The following MOSMO variants were observed in gnomAD, a reference collection of about 807,000 sequenced individuals.
MOSMO encodes modulator of smoothened, also known as modulator of smoothened protein.
MOSMO carries 5 observed loss-of-function variants against 18.4 expected under a neutral mutation model. The ratio of observed to expected loss-of-function variants is 0.27; its 90% confidence interval spans 0.14 to 0.57. The LOEUF is 0.57. Ranked by LOEUF, MOSMO falls within the 20% of genes least tolerant of loss-of-function variation. The pLI is 0.92. For synonymous variants in MOSMO, 82 were observed against 82.3 expected, an observed-to-expected ratio of 1.00 and a Z score of 0.02; for missense variants, 138 against 211.8, an observed-to-expected ratio of 0.65 and a Z score of 2.16.
intron 1 of MOSMO, 103 bp from the exon 2 acceptor site, chr16:22,075,384 C>T (rs767051114): frequency 1.1e-4 from 92 of 805,194 alleles, no homozygotes; most frequent in Non-Finnish European, 1.6e-4. Context: ...GAATGACCCA[C>T]GAAGAGATAA....
In MOSMO at chr16:22,008,325, AG is replaced by A. The variant is rs201044196; in HGVS notation, c.26del (p.Gly9AspfsTer71). 120,180 of 1,500,146 alleles carry A rather than the reference AG, an allele frequency of 0.08. 7 individuals are homozygous for A. Among genetic ancestry groups the A allele is most frequent in the East Asian group, 0.17 (6,565 of 38,584 alleles). The allele number at this position is 1,500,146 out of a possible 1,614,324, so 92.9% of individuals were successfully genotyped here. A position where few individuals can be genotyped will look rare whatever the true frequency, so the allele number is the denominator to read the frequency against. On this transcript the variant is annotated frameshift_variant, in exon 1 of 3. Coordinates refer to ENST00000542527, the MANE Select transcript of MOSMO (RefSeq NM_001164579.2). LOFTEE classifies it high-confidence loss of function. MDKLTIIS[G>X]CLFLAADIFA... ...AGATGGATAAACTGACCATCATCTC[AG>A]GATGTCTCTTTCTGGCCGCCGATAT...
rs1255583642 is a variant in MOSMO at position 22,082,123 on chromosome 16, C to G, written c.*1243C>G. The G allele has an allele frequency of 2.6e-5, 4 of 152,106 alleles. No individual in the cohort carries two copies. The highest frequency in any genetic ancestry group is 2.6e-4 in the Admixed American group (4 of 15,274). The allele number at this position is 152,106 out of a possible 1,614,324, so 9.4% of individuals were successfully genotyped here. A position where few individuals can be genotyped will look rare whatever the true frequency, so the allele number is the denominator to read the frequency against. On this transcript the variant is annotated 3_prime_UTR_variant, in exon 3 of 3. Coordinates refer to ENST00000542527, the MANE Select transcript of MOSMO (RefSeq NM_001164579.2). ...GCTAGTAAATATCTGGCTATTTTGG[C>G]TATTTACAACACTAATTTCATTATT...
chr16:22,070,939 T>G (rs1256127684), intron 1 of MOSMO, among the ~76,000 whole-genome samples: 1 of 152,122 alleles, frequency 6.6e-6, no homozygotes, highest in Non-Finnish European at 1.5e-5. Context: ...TGCAATCCAA[T>G]TCTAAATTTC....
At position 22,084,014 on chromosome 16, in the gene MOSMO, T is replaced by C. The variant is rs1157585673; in HGVS notation, c.*3134T>C. On this transcript the variant is annotated 3_prime_UTR_variant, in exon 3 of 3. Transcript: ENST00000542527. ...ATGTTCTAGATGACCAAAACACTATTGGTTTTTACCCTTTTGCCTAAAGCT... is the reference window on the plus strand; with the variant it reads ...ATGTTCTAGATGACCAAAACACTATCGGTTTTTACCCTTTTGCCTAAAGCT... The C allele has an allele frequency of 1.2e-5, 3 of 246,812 alleles. No homozygotes were observed. Among genetic ancestry groups the C allele is most frequent in the African/African-American group, 7.0e-5 (3 of 42,658 alleles). 15.3% of individuals were successfully genotyped at this position (246,812 alleles called of 1,614,324 possible).
chr16:22,090,325 G>A (rs1225018387), downstream of MOSMO: 1 of 152,124 alleles, frequency 6.6e-6, no homozygotes, highest in African/African-American at 2.4e-5. Flanking sequence ...AACTATCTCT[G>A]GATTCTTGTG....
intron 1 of MOSMO, among the ~76,000 whole-genome samples, chr16:22,050,358 A>G (rs1196251585): frequency 6.6e-6 from 1 of 152,224 alleles, no homozygotes; most frequent in East Asian, 1.9e-4. Flanking sequence ...GATCATTTCT[A>G]TGAATAGAAG....
chr16:22,043,972 T>C (rs1299578847), intron 1 of MOSMO, among the ~76,000 whole-genome samples: 1 of 152,070 alleles, frequency 6.6e-6, no homozygotes, highest in Non-Finnish European at 1.5e-5. Flanking sequence ...GTGAAAGGCC[T>C]GTCTTACATG....
intron 2 of MOSMO, among the ~76,000 whole-genome samples, chr16:22,078,122 C>G (rs937286793): frequency 6.6e-6 from 1 of 151,684 alleles, no homozygotes; most frequent in Non-Finnish European, 1.5e-5. Flanking sequence ...CAAGTTTGGC[C>G]CTTGTTCTTT....
At chr16:22,011,094 A>C (rs534649380) in intron 1 of MOSMO, among the ~76,000 whole-genome samples, 1 of 152,300 alleles carries the variant, frequency 6.6e-6, no homozygotes, top group African/African-American at 2.4e-5. Flanking sequence ...TGTTCGAAAT[A>C]ATTGCAGAGA....
intron 1 of MOSMO, among the ~76,000 whole-genome samples, chr16:22,031,451 A>G (rs956498825): frequency 2.6e-5 from 4 of 152,240 alleles, no homozygotes; most frequent in African/African-American, 4.8e-5. Flanking sequence ...CAGTTATACA[A>G]TCATCACCAC....
intron 1 of MOSMO, among the ~76,000 whole-genome samples, chr16:22,072,758 T>C (rs1158777089): frequency 1.3e-5 from 2 of 149,346 alleles, no homozygotes; most frequent in Admixed American, 6.7e-5. Flanking sequence ...CTTGCCGTGA[T>C]ATCGCGCCAC....
At chr16:22,092,536 C>T in the MOSMO span, 1 of 1,467,990 alleles carries the variant, frequency 6.8e-7, no homozygotes. Context: ...GCAAGCTTCG[C>T]TGCTGAGTTG....
chr16:22,008,289 G>C lies in MOSMO; in HGVS notation c.-13G>C. Reference sequence around the variant, plus strand: ...GTCCGGGGCTCGGGGGGTGGGGGGAGCGGGGCGGGGAGATGGATAAACTGA... The same window carrying C: ...GTCCGGGGCTCGGGGGGTGGGGGGACCGGGGCGGGGAGATGGATAAACTGA... On this transcript the variant is annotated 5_prime_UTR_variant, in exon 1 of 3. Coordinates refer to ENST00000542527, the MANE Select transcript of MOSMO (RefSeq NM_001164579.2). 1 of 1,471,208 alleles carries C rather than the reference G, an allele frequency of 6.8e-7. No homozygotes were observed. The highest frequency in any genetic ancestry group is 1.2e-5 in the South Asian group (1 of 81,274). The allele number at this position is 1,471,208 out of a possible 1,614,324, so 91.1% of individuals were successfully genotyped here. A position where few individuals can be genotyped will look rare whatever the true frequency, so the allele number is the denominator to read the frequency against.
intron 1 of MOSMO, among the ~76,000 whole-genome samples, chr16:22,067,706 A>G (rs576881114): frequency 4.1e-4 from 62 of 152,130 alleles, no homozygotes; most frequent in African/African-American, 1.4e-3. Flanking sequence ...GTAGAGAAAC[A>G]TCTCTACTAA....
intron 1 of MOSMO, among the ~76,000 whole-genome samples, chr16:22,057,376 A>C (rs1386094335): frequency 6.6e-6 from 1 of 152,214 alleles, no homozygotes; most frequent in Non-Finnish European, 1.5e-5. Context: ...TCATTCTCAC[A>C]AGCTCTTTTT....
downstream of MOSMO, among the ~76,000 whole-genome samples, chr16:22,088,837 G>T (rs1419597066): frequency 6.6e-6 from 1 of 152,120 alleles, no homozygotes; most frequent in Non-Finnish European, 1.5e-5. Flanking sequence ...GTCCTGCATT[G>T]CCAGTGTGGC....
intron 2 of MOSMO, among the ~76,000 whole-genome samples, chr16:22,078,759 C>T (rs973152978): frequency 2.0e-5 from 3 of 152,122 alleles, no homozygotes; most frequent in Admixed American, 6.5e-5. Context: ...TCATTTTACT[C>T]ACCAGACCAT....
At chr16:22,075,801 C>A in intron 2 of MOSMO, 102 bp downstream of exon 2, 1 of 795,292 alleles carries the variant, frequency 1.3e-6, no homozygotes, top group Non-Finnish European at 2.1e-6. Flanking sequence ...TCATAATCAT[C>A]AAAGAGCACC....
chr16:22,052,811 A>G (rs1049559518), intron 1 of MOSMO, among the ~76,000 whole-genome samples: 3 of 152,132 alleles, frequency 2.0e-5, no homozygotes, highest in African/African-American at 7.2e-5. Context: ...CATGTTGTTT[A>G]GGGGGAAAAA....
Sources: gnomAD v4.1 joint callset for allele counts (sites outside exome capture counted in the v4.1 genomes callset) on GRCh38, gnomAD v4.1.1 for gene constraint, MANE v1.5 for transcripts, NCBI Gene and HGNC (gene_info 2026-07-23, HGNC 2026-07-21) for gene names.